Variants in CDCA7L observed in about 807,000 individuals in gnomAD.
The protein encoded by CDCA7L is cell division cycle-associated 7-like protein.
CDCA7L carries 44 observed loss-of-function variants against 57.4 expected under a neutral mutation model. The ratio of observed to expected loss-of-function variants is 0.77; its 90% CI spans 0.60 to 0.98. The LOEUF is 0.98. CDCA7L is among the 50% of genes least tolerant of loss of function. The pLI is 0.00. For synonymous variants in CDCA7L, 236 were observed against 202.8 expected (o/e 1.16, Z -1.39); for missense variants, 644 against 580.6 (o/e 1.11, Z -1.12).
At position 21,903,095 on chromosome 7, in the gene CDCA7L, C is replaced by T. The variant is rs1562618639; in HGVS notation, c.1217G>A (p.Cys406Tyr). The change falls in exon 9 of 10, where the codon TGT becomes TAT. Residue 406 changes from cysteine (C) to tyrosine (Y), a missense_variant. Coordinates refer to ENST00000406877, the MANE Select transcript of CDCA7L (RefSeq NM_018719.5). Reference protein sequence around the residue: ...LLDPDWVCPPCRGICNCSYCR... With the variant: ...LLDPDWVCPPYRGICNCSYCR... ...GTAGCTGCAATTGCAGATCCCACGA[C>T]AGGGGGGACACACCCAATCCTAACA... 1.2e-6 allele frequency: 2 copies of T among 1,613,882 alleles called. No homozygotes were observed. Among genetic ancestry groups the T allele is most frequent in the Non-Finnish European group, 1.7e-6 (2 of 1,179,934 alleles).
chr7:21,940,237 G>A, intron 1 of CDCA7L: 1 of 787,938 alleles, frequency 1.3e-6, no homozygotes, highest in African/African-American at 1.9e-5. Flanking sequence ...TCAGGGCCAG[G>A]AAAGTGCAAC....
chr7:21,934,019 A>G (rs1209828436), intron 1 of CDCA7L, among the ~76,000 whole-genome samples: 1 of 152,136 alleles, frequency 6.6e-6, no homozygotes, highest in Non-Finnish European at 1.5e-5. Context: ...ATTCATTACT[A>G]CTGGCATTTG....
intron 2 of CDCA7L, among the ~76,000 whole-genome samples, chr7:21,913,951 A>C (rs1392931669): frequency 6.6e-6 from 1 of 152,202 alleles, no homozygotes; most frequent in East Asian, 1.9e-4. Flanking sequence ...GCTCCACTGC[A>C]TTCTGAGTTA....
In CDCA7L at chr7:21,905,506, C is replaced by T; in HGVS notation, c.1047G>A (p.Leu349=). Residue 349 remains leucine (L), a splice_region_variant and synonymous_variant, in exon 7 of 10, where the codon CTG becomes CTA. Coordinates refer to ENST00000406877, the MANE Select transcript of CDCA7L (RefSeq NM_018719.5). The part of the protein sequence containing the change: ...TVRDKIYDKV[L]GNTCHQCRQK... The stretch of plus-strand genomic sequence containing the variant: ...GAATGACAATTAATGTATACTTTAC[C>T]AGAACTTTATCATAGATTTTATCTC... 1.2e-6 allele frequency: 2 copies of T among 1,613,222 alleles called. No individual in the cohort carries two copies. The highest frequency in any genetic ancestry group is 1.1e-5 in the South Asian group (1 of 91,022).
intron 3 of CDCA7L, among the ~76,000 whole-genome samples, chr7:21,909,685 C>T (rs12234262): frequency 0.49 from 74,664 of 151,990 alleles, 19,532 homozygotes; most frequent in Non-Finnish European, 0.59. Flanking sequence ...AACCCAATTT[C>T]AGGGGACACT....
intron 1 of CDCA7L, among the ~76,000 whole-genome samples, chr7:21,943,149 C>T (rs78324138): frequency 9.8e-4 from 149 of 152,268 alleles, no homozygotes; most frequent in African/African-American, 3.4e-3. Flanking sequence ...CTTGCCTTTA[C>T]GAGCTATTTC....
intron 1 of CDCA7L, among the ~76,000 whole-genome samples, chr7:21,937,629 C>T (rs1786212559): frequency 6.6e-6 from 1 of 150,576 alleles, no homozygotes; most frequent in South Asian, 2.1e-4. Context: ...CAGAACAAGA[C>T]TCCATCCCTT....
At chr7:21,924,877 C>G (rs1394570415) in intron 1 of CDCA7L, among the ~76,000 whole-genome samples, 1 of 152,114 alleles carries the variant, frequency 6.6e-6, no homozygotes, top group Non-Finnish European at 1.5e-5. Flanking sequence ...AAAGAATTCT[C>G]ATAATTCAAT....
At chr7:21,936,317 A>C (rs886888240) in intron 1 of CDCA7L, among the ~76,000 whole-genome samples, 1 of 152,232 alleles carries the variant, frequency 6.6e-6, no homozygotes, top group East Asian at 1.9e-4. Flanking sequence ...GGAACACTTG[A>C]AACTCATTCT....
At chr7:21,928,937 A>G (rs1031331494) in intron 1 of CDCA7L, among the ~76,000 whole-genome samples, 2 of 152,176 alleles carry the variant, frequency 1.3e-5, no homozygotes, top group African/African-American at 4.8e-5. Context: ...CAACATTCAA[A>G]CTCAGAAAAT....
At chr7:21,935,549 T>C (rs756954808) in intron 1 of CDCA7L, among the ~76,000 whole-genome samples, 1 of 149,060 alleles carries the variant, frequency 6.7e-6, no homozygotes, top group Non-Finnish European at 1.5e-5. Context: ...ATGAATAGAA[T>C]AGATAATAGA....
In CDCA7L at chr7:21,901,158, G is replaced by A. The variant is rs1489602749; in HGVS notation, c.*1164C>T. ...AGTGCCCTGTGTATAGAACCAAACTGAGAGGCCCCAGCTACATCTGGACCT... is the reference window on the plus strand; with the variant it reads ...AGTGCCCTGTGTATAGAACCAAACTAAGAGGCCCCAGCTACATCTGGACCT... On this transcript the variant is annotated 3_prime_UTR_variant, in exon 10 of 10. Transcript: ENST00000406877. 18 of 1,612,444 alleles carry A rather than the reference G, an allele frequency of 1.1e-5. No homozygotes were observed. The highest frequency in any genetic ancestry group is 1.5e-5 in the Non-Finnish European group (18 of 1,178,750).
In CDCA7L at chr7:21,911,639, C is replaced by T; in HGVS notation, c.281G>A (p.Gly94Glu). 6.2e-7 allele frequency: 1 copy of T among 1,613,152 alleles called. No individual in the cohort carries two copies. The highest frequency in any genetic ancestry group is 8.5e-7 in the Non-Finnish European group (1 of 1,179,798). ...TACCATTACTTCTGGGTTAGTCTTTCCATTCAGATCACTCTGCGTAAATCC... is the reference window on the plus strand; with the variant it reads ...TACCATTACTTCTGGGTTAGTCTTTTCATTCAGATCACTCTGCGTAAATCC... Reference protein sequence around the residue: ...FAGFTQSDLNGKTNPEVMVVE... With the variant: ...FAGFTQSDLNEKTNPEVMVVE... Residue 94 changes from glycine to glutamate, a missense_variant, in exon 3 of 10, where the codon GGA (glycine) becomes GAA (glutamate). Coordinates refer to ENST00000406877, the MANE Select transcript of CDCA7L (RefSeq NM_018719.5).
At chr7:21,914,020 ACTGG>A (rs1785408132) in intron 2 of CDCA7L, among the ~76,000 whole-genome samples, 2 of 152,202 alleles carry the variant, frequency 1.3e-5, no homozygotes, top group Non-Finnish European at 2.9e-5. Context: ...CAAAATCAAT[ACTGG>A]GTGCTATGCT....
intron 8 of CDCA7L, 158 bp downstream of exon 8, chr7:21,903,952 C>A (rs970785306): frequency 6.8e-6 from 4 of 591,294 alleles, no homozygotes; most frequent in African/African-American, 5.7e-5. Context: ...AGAAGGAATC[C>A]CTATTTTTCA....
chr7:21,903,953 CT>C (rs1785040587), intron 8 of CDCA7L, 156 bp downstream of exon 8: 9 of 608,942 alleles, frequency 1.5e-5, no homozygotes, highest in Non-Finnish European at 1.5e-5. Context: ...GAAGGAATCC[CT>C]ATTTTTCATT....
At chr7:21,903,183 T>A (rs1784996660) in intron 8 of CDCA7L, 69 bp from the exon 9 acceptor site, 1 of 1,503,698 alleles carries the variant, frequency 6.7e-7, no homozygotes, top group Non-Finnish European at 9.0e-7. Flanking sequence ...GGGATTCGGA[T>A]CCAGAATGGC....
At chr7:21,939,704 C>G (rs1169378661) in intron 1 of CDCA7L, among the ~76,000 whole-genome samples, 1 of 152,150 alleles carries the variant, frequency 6.6e-6, no homozygotes, top group Non-Finnish European at 1.5e-5. Flanking sequence ...GTAGGACTCT[C>G]CTGCCTGCCA....
At position 21,906,654 on chromosome 7, in the gene CDCA7L, AAAAG is replaced by A. The variant is rs1785152088; in HGVS notation, c.682-19_682-16del. 9 of 1,613,356 alleles carry A rather than the reference AAAAG, an allele frequency of 5.6e-6. No homozygotes were observed. The East Asian group carries it at 1.3e-4, about 24-fold the overall frequency. ...AACTGGGCAAGCTGAAGTTCAGAAC[AAAAG>A]AAAGAATCTTACAAAAATAGGGCTC... is the stretch of plus-strand genomic sequence containing the variant. On this transcript the variant is annotated splice_polypyrimidine_tract_variant and intron_variant, in intron 4 of 9. Coordinates refer to ENST00000406877, the MANE Select transcript of CDCA7L (RefSeq NM_018719.5).
Sources: gnomAD v4.1 joint callset for allele counts (sites outside exome capture counted in the v4.1 genomes callset) on GRCh38, gnomAD v4.1.1 for gene constraint, MANE v1.5 for transcripts, NCBI Gene and HGNC (gene_info 2026-07-23, HGNC 2026-07-21) for gene names.